Variants in NALCN observed in about 807,000 individuals in gnomAD.
NALCN encodes sodium leak channel NALCN.
Under a neutral mutation model 225.3 loss-of-function variants are expected in NALCN, and 111 were observed. That is an observed-to-expected ratio of 0.49 (90% confidence interval 0.42 to 0.58). The LOEUF (loss-of-function observed/expected upper bound fraction) is 0.58, where lower values mean the gene tolerates loss of function less well. Ranked by LOEUF, NALCN falls within the 20% of genes least tolerant of loss-of-function variation. NALCN has a pLI of 0.00. For synonymous variants in NALCN, 764 were observed against 769.0 expected, an observed-to-expected ratio of 0.99 and a Z score of 0.11; for missense variants, 1,378 against 2,202.4, an observed-to-expected ratio of 0.63 and a Z score of 7.49.
chr13:101,066,762 G>C (rs531958338), intron 39 of NALCN, among the ~76,000 whole-genome samples: 2 of 152,202 alleles, frequency 1.3e-5, no homozygotes, highest in South Asian at 4.1e-4. Context: ...GAGCAAATTG[G>C]GGTGAGTGCA....
intron 13 of NALCN, among the ~76,000 whole-genome samples, chr13:101,195,172 T>A (rs1182518157): frequency 6.6e-6 from 1 of 151,986 alleles, no homozygotes; most frequent in Non-Finnish European, 1.5e-5. Flanking sequence ...TGCACAGGAG[T>A]AGAGTTTCAG....
At position 101,229,600 on chromosome 13, in the gene NALCN, GAA is replaced by G; in HGVS notation, c.1435-18_1435-17del. Reference sequence around the variant, plus strand: ...CTCGGAGAACCTATCAAGGGAGAGAGAAACATTTATTTACACATATGATCATT... The same window carrying G: ...CTCGGAGAACCTATCAAGGGAGAGAGACATTTATTTACACATATGATCATT... On this transcript the variant is annotated splice_polypyrimidine_tract_variant and intron_variant, in intron 12 of 43. Coordinates refer to ENST00000251127, the MANE Select transcript of NALCN (RefSeq NM_052867.4). 4 of 1,528,684 alleles carry G rather than the reference GAA, an allele frequency of 2.6e-6. No homozygotes were observed. The highest frequency in any genetic ancestry group is 3.5e-6 in the Non-Finnish European group (4 of 1,138,826). 94.7% of individuals were successfully genotyped at this position (1,528,684 alleles called of 1,614,324 possible).
At chr13:101,282,273 G>T (rs957209961) in intron 10 of NALCN, among the ~76,000 whole-genome samples, 2 of 152,034 alleles carry the variant, frequency 1.3e-5, no homozygotes, top group Non-Finnish European at 2.9e-5. Flanking sequence ...ACTGATGGAT[G>T]AATGGATAAA....
intron 4 of NALCN, among the ~76,000 whole-genome samples, chr13:101,378,111 T>A (rs1299069129): frequency 1.3e-5 from 2 of 152,078 alleles, no homozygotes; most frequent in African/African-American, 4.8e-5. Flanking sequence ...CCACATTGTT[T>A]CCTTCATTTC....
chr13:101,065,549 T>A lies in NALCN; in HGVS notation c.4459A>T (p.Thr1487Ser), dbSNP rs2139425739. ...VDDKREGVIP[T>S]FRVKFLLRLL... Reference sequence around the variant, plus strand: ...CGCAGCAGGAACTTGACGCGGAACGTGGGGATCACCCCCTGCGGGGCAGAG... The same window carrying A: ...CGCAGCAGGAACTTGACGCGGAACGAGGGGATCACCCCCTGCGGGGCAGAG... Residue 1487 changes from threonine to serine, a missense_variant, in exon 40 of 44, where the codon ACG (threonine) becomes TCG (serine). Around this residue, in one of 19 missense-constraint regions of NALCN, gnomAD observed 94 missense variants for 170.3 expected, o/e 0.55. Coordinates refer to ENST00000251127, the MANE Select transcript of NALCN (RefSeq NM_052867.4). 6.2e-7 allele frequency: 1 copy of A among 1,613,798 alleles called. No homozygotes were observed. The highest frequency in any genetic ancestry group is 1.3e-5 in the African/African-American group (1 of 74,968).
At chr13:101,140,067 T>C (rs1253645316) in intron 17 of NALCN, among the ~76,000 whole-genome samples, 1 of 152,118 alleles carries the variant, frequency 6.6e-6, no homozygotes, top group African/African-American at 2.4e-5. Context: ...ACAACCTAGA[T>C]CGAATCAAAG....
chr13:101,266,349 C>A (rs1382191766), intron 10 of NALCN, among the ~76,000 whole-genome samples: 2 of 152,196 alleles, frequency 1.3e-5, no homozygotes, highest in Non-Finnish European at 2.9e-5. Flanking sequence ...TCAAAATGAT[C>A]TAAAGCTATC....
intron 13 of NALCN, among the ~76,000 whole-genome samples, chr13:101,203,100 A>C (rs2040187802): frequency 6.6e-6 from 1 of 152,254 alleles, no homozygotes; most frequent in African/African-American, 2.4e-5. Context: ...TGAATACTTT[A>C]AAAATAATAA....
intron 13 of NALCN, among the ~76,000 whole-genome samples, chr13:101,192,272 C>A (rs948808145): frequency 6.6e-6 from 1 of 152,108 alleles, no homozygotes; most frequent in East Asian, 1.9e-4. Context: ...AATAATTACC[C>A]TGAATTAAAA....
intron 37 of NALCN, among the ~76,000 whole-genome samples, chr13:101,072,967 T>C (rs2033000404): frequency 6.6e-6 from 1 of 152,042 alleles, no homozygotes; most frequent in Non-Finnish European, 1.5e-5. Context: ...GAGAAAGAGA[T>C]AAAATAAATG....
rs570820341 is a variant in NALCN at position 101,373,732 on chromosome 13, G to A, written c.644+2968C>T. On this transcript the variant is annotated intron_variant, in intron 6 of 43. Coordinates refer to ENST00000251127, the MANE Select transcript of NALCN (RefSeq NM_052867.4). ...CTAAGTTAAGACTACATCTTGACCC[G>A]TACCTCATAAGAAATACACAAATTA... Among the ~76,000 whole-genome samples, 22 of 152,146 alleles carry A rather than the reference G, an allele frequency of 1.4e-4. No homozygotes were observed. The South Asian group carries it at 3.1e-3, about 22-fold the overall frequency.
At chr13:101,082,213 G>A (rs1462320630) in intron 33 of NALCN, among the ~76,000 whole-genome samples, 1 of 152,122 alleles carries the variant, frequency 6.6e-6, no homozygotes, top group Non-Finnish European at 1.5e-5. Context: ...TAAACATGTA[G>A]TAACTAAAAA....
chr13:101,097,488 C>A (rs959354711), intron 27 of NALCN, among the ~76,000 whole-genome samples: 2 of 152,158 alleles, frequency 1.3e-5, no homozygotes, highest in African/African-American at 2.4e-5. Context: ...CCTGAGCCCA[C>A]CTTTGATTGC....
rs78866785 is a variant in NALCN at position 101,103,934 on chromosome 13, A to G, written c.2889+361T>C. On this transcript the variant is annotated intron_variant, in intron 25 of 43. Coordinates refer to ENST00000251127, the MANE Select transcript of NALCN (RefSeq NM_052867.4). ...TGCTTTCAGCAATAAGGGGCTCATAATCAATAACATGGTTTATATGAGGCA... is the reference window on the plus strand; with the variant it reads ...TGCTTTCAGCAATAAGGGGCTCATAGTCAATAACATGGTTTATATGAGGCA... Among the ~76,000 whole-genome samples, 1,176 of 152,312 alleles carry G rather than the reference A, an allele frequency of 7.7e-3. 13 individuals carry two copies. Among genetic ancestry groups the G allele is most frequent in the African/African-American group, 0.025 (1,057 of 41,558 alleles).
chr13:101,193,756 A>T (rs1196760194), intron 13 of NALCN, among the ~76,000 whole-genome samples: 7 of 152,206 alleles, frequency 4.6e-5, no homozygotes, highest in Non-Finnish European at 7.3e-5. Flanking sequence ...TTCAGAACTC[A>T]TCATTGAGGG....
At chr13:101,161,085 G>C (rs2038161326) in intron 15 of NALCN, among the ~76,000 whole-genome samples, 1 of 152,170 alleles carries the variant, frequency 6.6e-6, no homozygotes, top group African/African-American at 2.4e-5. Context: ...CCAGTATTAT[G>C]AAAACATGGA....
chr13:101,278,406 C>T (rs906993569), intron 10 of NALCN, among the ~76,000 whole-genome samples: 1 of 151,490 alleles, frequency 6.6e-6, no homozygotes, highest in African/African-American at 2.4e-5. Context: ...GCCTGTAGTC[C>T]CAGCTACTCT....
intron 11 of NALCN, among the ~76,000 whole-genome samples, chr13:101,238,847 T>C (rs1296535031): frequency 1.3e-5 from 2 of 151,922 alleles, no homozygotes; most frequent in Non-Finnish European, 2.9e-5. Flanking sequence ...CACTCATATA[T>C]GGAACATGTG....
chr13:101,194,324 G>A (rs2039804311), intron 13 of NALCN, among the ~76,000 whole-genome samples: 1 of 152,134 alleles, frequency 6.6e-6, no homozygotes, highest in Admixed American at 6.5e-5. Context: ...TTATATTTGC[G>A]AACAAGGCTT....
Sources: gnomAD v4.1 joint callset for allele counts (sites outside exome capture counted in the v4.1 genomes callset) on GRCh38, gnomAD v4.1.1 for gene constraint, gnomAD v4.1.1 regional missense constraint, MANE v1.5 for transcripts, NCBI Gene and HGNC (gene_info 2026-07-23, HGNC 2026-07-21) for gene names.